The following CEACAM19 variants were observed in gnomAD, a reference collection of about 807,000 sequenced individuals.
The protein encoded by CEACAM19 is CEA cell adhesion molecule 19.
CEACAM19 carries 37 observed loss-of-function variants against 37.6 expected under a neutral mutation model. The ratio of observed to expected loss-of-function variants is 0.98; its 90% CI spans 0.76 to 1.29. CEACAM19 has a LOEUF of 1.29. CEACAM19 is among the 50% of genes most tolerant of loss of function. The pLI is 0.00. For synonymous variants in CEACAM19, 140 were observed against 149.8 expected (o/e 0.93, Z 0.48); for missense variants, 340 against 375.6 (o/e 0.91, Z 0.78).
chr19:44,682,775 C>A, intron 7 of CEACAM19, 155 bp downstream of exon 7: 1 of 660,176 alleles, frequency 1.5e-6, no homozygotes. Context: ...AAGCCCAAAC[C>A]GCCTCCCTGA....
chr19:44,672,715 A>G lies in CEACAM19; in HGVS notation c.175A>G (p.Thr59Ala). Residue 59 changes from threonine to alanine, a missense_variant, in exon 2 of 8, where the codon ACC becomes GCC. Coordinates refer to ENST00000358777, the MANE Select transcript of CEACAM19 (RefSeq NM_001127893.3). ...LLLSVQGVPD[T>A]FQDFNWYLGE... is the part of the protein sequence containing the mutation. ...CCTGTCAGTCCAGGGTGTCCCAGAC[A>G]CCTTCCAGGACTTCAACTGGTACCT... is the stretch of plus-strand genomic sequence containing the variant. 1 of 1,580,236 alleles carries G rather than the reference A, an allele frequency of 6.3e-7. No individual in the cohort carries two copies. Among genetic ancestry groups the G allele is most frequent in the Non-Finnish European group, 8.6e-7 (1 of 1,162,100 alleles).
chr19:44,667,718 TA>T (rs1356681205), upstream of CEACAM19, among the ~76,000 whole-genome samples: 2 of 75,948 alleles, frequency 2.6e-5, no homozygotes, highest in South Asian at 3.3e-4. Flanking sequence ...TAAATATATA[TA>T]AATTATATAT....
intron 5 of CEACAM19, among the ~76,000 whole-genome samples, chr19:44,680,558 C>T (rs1201807674): frequency 6.6e-6 from 1 of 152,018 alleles, no homozygotes; most frequent in East Asian, 1.9e-4. Flanking sequence ...ATCCCCATCC[C>T]ATCATGCAAG....
Position 44,682,612 on chromosome 19 carries a change from C to G in CEACAM19, c.838C>G (p.Gln280Glu). ...CCTGCAGGCGGAGCCAGAGAACCAC[C>G]AGTACCAGGTATGGAGCTGGGAGCT... ...PHLQAEPENHQYQDLLNPDPA... is the reference protein window; with the variant it reads ...PHLQAEPENHEYQDLLNPDPA... Residue 280 changes from glutamine (Q) to glutamate (E), a missense_variant, in exon 7 of 8, where the codon CAG (glutamine) becomes GAG (glutamate). Gln to Glu is a conservative substitution (Grantham distance 29). Coordinates refer to ENST00000358777, the MANE Select transcript of CEACAM19 (RefSeq NM_001127893.3). 1 of 1,604,408 alleles carries G rather than the reference C, an allele frequency of 6.2e-7. No homozygotes were observed. Among genetic ancestry groups the G allele is most frequent in the Non-Finnish European group, 8.5e-7 (1 of 1,175,682 alleles).
Position 44,680,342 on chromosome 19 carries a change from G to C in CEACAM19, c.706+8G>C. 1 of 1,607,554 alleles carries C rather than the reference G, an allele frequency of 6.2e-7. No individual in the cohort carries two copies. Among genetic ancestry groups the C allele is most frequent in the Non-Finnish European group, 8.5e-7 (1 of 1,178,116 alleles). Reference sequence around the variant, plus strand: ...GCCCTGCTCATGATGCTGGTAAGGCGGGAGCCCCAGATCTCACTACCTAGC... The same window carrying C: ...GCCCTGCTCATGATGCTGGTAAGGCCGGAGCCCCAGATCTCACTACCTAGC... On this transcript the variant is annotated splice_region_variant and intron_variant, in intron 5 of 7. Transcript: ENST00000358777.
chr19:44,675,166 C>G (rs1178998041), intron 2 of CEACAM19, among the ~76,000 whole-genome samples: 1 of 147,910 alleles, frequency 6.8e-6, no homozygotes, highest in South Asian at 2.2e-4. Flanking sequence ...ACCCTAAGAA[C>G]TAGGTATTCA....
In CEACAM19 at chr19:44,672,807, G is replaced by T. The variant is rs952169197; in HGVS notation, c.267G>T (p.Arg89Ser). 2 of 1,595,752 alleles carry T rather than the reference G, an allele frequency of 1.3e-6. No homozygotes were observed. The highest frequency in any genetic ancestry group is 3.5e-5 in the Admixed American group (2 of 57,560). ...TCCCTGGGATACAACGGCCTCAGAGGGATGGCAGTGCCATGGGACAGCGAG... is the reference window on the plus strand; with the variant it reads ...TCCCTGGGATACAACGGCCTCAGAGTGATGGCAGTGCCATGGGACAGCGAG... The part of the protein sequence containing the change: ...TYIPGIQRPQ[R>S]DGSAMGQRDI... The change falls in exon 2 of 8, where the codon AGG becomes AGT. Residue 89 changes from arginine (R) to serine (S), a missense_variant. Arg to Ser is a moderately radical substitution (Grantham distance 110). Transcript: ENST00000358777.
intron 4 of CEACAM19, among the ~76,000 whole-genome samples, chr19:44,679,441 CTAA>C (rs1416360189): frequency 1.3e-5 from 2 of 152,048 alleles, no homozygotes; most frequent in African/African-American, 4.8e-5. Flanking sequence ...CCTGTCTCTA[CTAA>C]TAATACAAAA....
upstream of CEACAM19, among the ~76,000 whole-genome samples, chr19:44,669,699 C>T (rs116165470): frequency 4.3e-4 from 65 of 152,174 alleles, no homozygotes; most frequent in African/African-American, 1.5e-3. Context: ...GCTGCCTCAC[C>T]CCATCATCTG....
chr19:44,682,248 T>C (rs1974073892), intron 6 of CEACAM19, among the ~76,000 whole-genome samples: 1 of 152,006 alleles, frequency 6.6e-6, no homozygotes, highest in South Asian at 2.1e-4. Flanking sequence ...AGATCCTGTC[T>C]TTTTCTAAAA....
intron 7 of CEACAM19, chr19:44,682,895 G>A (rs1311741457): frequency 4.9e-6 from 2 of 405,436 alleles, no homozygotes; most frequent in Non-Finnish European, 8.9e-6. Context: ...GAGGGACAGG[G>A]GATTGCCTGG....
rs1220167578 is a variant in CEACAM19, at chr19:44,678,908, CCAGTGCCTT to C, written c.637_645del (p.Pro213_Val215del). 1.2e-6 allele frequency: 2 copies of C among 1,614,008 alleles called. No homozygotes were observed. Among genetic ancestry groups the C allele is most frequent in the East Asian group, 4.5e-5 (2 of 44,858 alleles). ...GTCCATCTTGTGCTCGGCTGTATCC[CCAGTGCCTT>C]CAGTGACGCCCAGCACATGGTTGGT... On this transcript the variant is annotated inframe_deletion, in exon 4 of 8. Transcript: ENST00000358777.
upstream of CEACAM19, among the ~76,000 whole-genome samples, chr19:44,668,180 A>G (rs1477123534): frequency 1.2e-5 from 1 of 85,956 alleles, no homozygotes; most frequent in East Asian, 3.6e-4. Context: ...AGTATATTAT[A>G]TATAATATAT....
intron 2 of CEACAM19, among the ~76,000 whole-genome samples, chr19:44,674,835 T>A (rs763809015): frequency 3.3e-5 from 5 of 152,220 alleles, no homozygotes; most frequent in Non-Finnish European, 7.3e-5. Context: ...GACACTCTAG[T>A]CCGGTTGGAG....
At chr19:44,669,426 A>C (rs1361183485), upstream of CEACAM19, among the ~76,000 whole-genome samples, 2 of 151,872 alleles carry the variant, frequency 1.3e-5, no homozygotes, top group Non-Finnish European at 2.9e-5. Flanking sequence ...TGCCTCCCTA[A>C]ATTTATATTT....
At chr19:44,669,916 G>A (rs1274758240), upstream of CEACAM19, among the ~76,000 whole-genome samples, 1 of 152,176 alleles carries the variant, frequency 6.6e-6, no homozygotes, top group African/African-American at 2.4e-5. Flanking sequence ...CCCTACTGTG[G>A]ACAGAGGGCA....
At chr19:44,677,426 T>C (rs1973970714) in intron 3 of CEACAM19, among the ~76,000 whole-genome samples, 2 of 150,954 alleles carry the variant, frequency 1.3e-5, no homozygotes. Flanking sequence ...TGCTACCTAC[T>C]TGTATGGAGA....
chr19:44,668,819 T>C (rs1196114248), upstream of CEACAM19, among the ~76,000 whole-genome samples: 2 of 119,186 alleles, frequency 1.7e-5, no homozygotes, highest in Non-Finnish European at 3.3e-5. Context: ...AATATATATA[T>C]ATTCAGTTTT....
chr19:44,676,530 C>A, intron 3 of CEACAM19, 109 bp downstream of exon 3: 2 of 1,065,354 alleles, frequency 1.9e-6, no homozygotes, highest in Non-Finnish European at 1.4e-6. Context: ...CTCATCAAAT[C>A]TTGGAACTCC....
Sources: allele counts gnomAD v4.1 joint callset (sites outside exome capture counted in the v4.1 genomes callset), GRCh38; gene constraint gnomAD v4.1.1; transcripts MANE v1.5; gene names NCBI Gene and HGNC (gene_info 2026-07-23, HGNC 2026-07-21).